Variants in TRIM55 observed in about 807,000 individuals in gnomAD.
TRIM55 encodes the protein tripartite motif containing 55, also known as tripartite motif-containing protein 55.
TRIM55 carries 50 observed loss-of-function variants against 60.9 expected under a neutral mutation model. That is an observed-to-expected ratio of 0.82 (90% confidence interval 0.65 to 1.04). The LOEUF is 1.04. Among genes scored for constraint, TRIM55 ranks in the 50% least tolerant of loss-of-function variants. The pLI is 0.00. For synonymous variants in TRIM55, 237 were observed against 238.1 expected (o/e 1.00, Z 0.04); for missense variants, 681 against 666.9 (o/e 1.02, Z -0.23).
At chr8:66,113,731 G>A in the TRIM55 span, 3 of 364,112 alleles carry the variant, frequency 8.2e-6, no homozygotes, top group Non-Finnish European at 1.1e-5. Flanking sequence ...GGCATTGCCC[G>A]GGCCCCGAGT....
chr8:66,150,809 G>A (rs1202009281), intron 7 of TRIM55, among the ~76,000 whole-genome samples: 1 of 152,140 alleles, frequency 6.6e-6, no homozygotes, highest in Non-Finnish European at 1.5e-5. Context: ...TGGGATTACA[G>A]GCACCTGCCA....
intron 4 of TRIM55, among the ~76,000 whole-genome samples, chr8:66,145,083 A>G (rs1219658521): frequency 6.6e-6 from 1 of 152,126 alleles, no homozygotes; most frequent in Non-Finnish European, 1.5e-5. Flanking sequence ...GGGCAAATTG[A>G]TAACCTGAGG....
intron 9 of TRIM55, chr8:66,155,665 C>G: frequency 1.2e-6 from 2 of 1,613,286 alleles, no homozygotes; most frequent in Non-Finnish European, 1.7e-6. Context: ...TCTTATTCTT[C>G]ACTACATCTG....
chr8:66,174,556 T>A lies in TRIM55; in HGVS notation c.1610T>A (p.Ile537Asn). Residue 537 changes from isoleucine to asparagine, a missense_variant, in exon 10 of 10, where the codon ATC becomes AAC. Physicochemically the swap from Ile to Asn is moderately radical, Grantham distance 149. Transcript: ENST00000315962. ...GCTGATTCTGAGCCAGCTCGCCATA[T>A]CTTCTCCTTTTCCTGGTTGAACTCC... ...SGADSEPARH[I>N]FSFSWLNSLN... 7 of 1,608,052 alleles carry A rather than the reference T, an allele frequency of 4.4e-6. No homozygotes were observed. Among genetic ancestry groups the A allele is most frequent in the Non-Finnish European group, 5.9e-6 (7 of 1,178,130 alleles).
chr8:66,118,168 CAAAAAAAA>C, the TRIM55 span, among the ~76,000 whole-genome samples: 2,305 of 39,882 alleles, frequency 0.058, 63 homozygotes, highest in African/African-American at 0.13. Flanking sequence ...GACTCCGTCT[CAAAAAAAA>C]AAAAAAAAAA....
rs1810349895 is a variant in TRIM55, at chr8:66,150,428, G to A, written c.947G>A (p.Arg316Lys). The A allele has an allele frequency of 1.2e-6, 2 of 1,614,138 alleles. No individual in the cohort carries two copies. Among genetic ancestry groups the A allele is most frequent in the South Asian group, 1.1e-5 (1 of 91,078 alleles). ...NMNHFTVNLN[R>K]EEKIIREIDF... ...AACCACTTCACAGTCAACCTCAATA[G>A]AGAAGAAAAGATAATACGTGAAATT... Residue 316 changes from arginine (R) to lysine (K), a missense_variant, in exon 7 of 10, where the codon AGA (arginine) becomes AAA (lysine). Arg to Lys is a conservative substitution (Grantham distance 26). Coordinates refer to ENST00000315962, the MANE Select transcript of TRIM55 (RefSeq NM_184085.2).
chr8:66,114,671 A>G, the TRIM55 span: 1 of 456,080 alleles, frequency 2.2e-6, no homozygotes, highest in African/African-American at 2.0e-5. Flanking sequence ...CGTTTGCTCA[A>G]CCGAGGAAGC....
intron 4 of TRIM55, among the ~76,000 whole-genome samples, chr8:66,143,359 G>T (rs948908146): frequency 3.3e-5 from 5 of 152,164 alleles, no homozygotes; most frequent in Non-Finnish European, 7.4e-5. Context: ...CACAAGACTT[G>T]CCAGGAACAG....
the TRIM55 span, among the ~76,000 whole-genome samples, chr8:66,118,139 A>T: frequency 7.8e-6 from 1 of 128,626 alleles, no homozygotes; most frequent in East Asian, 2.7e-4. Flanking sequence ...ACTGCACTCC[A>T]GCCTGGGGGA....
intron 2 of TRIM55, among the ~76,000 whole-genome samples, chr8:66,128,822 C>T (rs1808978582): frequency 6.6e-6 from 1 of 151,744 alleles, no homozygotes; most frequent in South Asian, 2.1e-4. Flanking sequence ...CACTTTGTAG[C>T]TCCAGATCCC....
chr8:66,140,869 G>A (rs575008643), intron 4 of TRIM55, among the ~76,000 whole-genome samples: 5 of 152,326 alleles, frequency 3.3e-5, no homozygotes, highest in South Asian at 2.1e-4. Flanking sequence ...TGGCCAGGGG[G>A]TGGAGAGCTG....
At chr8:66,147,794 C>CAAAAA (rs1180935272) in intron 4 of TRIM55, among the ~76,000 whole-genome samples, 3 of 44,168 alleles carry the variant, frequency 6.8e-5, no homozygotes, top group East Asian at 1.3e-3. Flanking sequence ...GACTCCATCT[C>CAAAAA]AAAAAAAAAA....
intron 2 of TRIM55, among the ~76,000 whole-genome samples, chr8:66,129,054 C>T (rs1387476585): frequency 6.6e-6 from 1 of 151,880 alleles, no homozygotes; most frequent in Non-Finnish European, 1.5e-5. Flanking sequence ...AACTTCAGAG[C>T]CATGAGGAAA....
At chr8:66,113,416 C>G in the TRIM55 span, 2 of 433,550 alleles carry the variant, frequency 4.6e-6, no homozygotes, top group South Asian at 3.3e-5. Flanking sequence ...ACTTCCTCAG[C>G]AGGAGACATC....
intron 2 of TRIM55, 121 bp downstream of exon 2, chr8:66,128,597 TG>T (rs1808965187): frequency 8.7e-7 from 1 of 1,149,252 alleles, no homozygotes; most frequent in Non-Finnish European, 1.2e-6. Context: ...TATGGAAAAA[TG>T]GTTTTCCAAG....
At position 66,150,352 on chromosome 8, in the gene TRIM55, G is replaced by A. The variant is rs761674737; in HGVS notation, c.871G>A (p.Ala291Thr). The A allele has an allele frequency of 6.2e-7, 1 of 1,614,194 alleles. No individual in the cohort carries two copies. Among genetic ancestry groups the A allele is most frequent in the South Asian group, 1.1e-5 (1 of 91,088 alleles). Residue 291 changes from alanine (A) to threonine (T), a missense_variant, in exon 7 of 10, where the codon GCA becomes ACA. Ala to Thr is a moderately conservative substitution (Grantham distance 58). Coordinates refer to ENST00000315962, the MANE Select transcript of TRIM55 (RefSeq NM_184085.2). Reference protein sequence around the residue: ...AKTLLKKISEASKAFQMEKIE... With the variant: ...AKTLLKKISETSKAFQMEKIE... ...TTGTCTTTGTTGCAGAATCTCGGAA[G>A]CATCAAAGGCATTTCAGATGGAGAA...
chr8:66,128,312 C>T lies in TRIM55; in HGVS notation c.177C>T (p.Asn59=). The T allele has an allele frequency of 1.2e-6, 2 of 1,604,136 alleles. No individual in the cohort carries two copies. The highest frequency in any genetic ancestry group is 1.7e-6 in the Non-Finnish European group (2 of 1,175,630). Residue 59 remains asparagine, a synonymous_variant, in exon 2 of 10, where the codon AAC becomes AAT. Coordinates refer to ENST00000315962, the MANE Select transcript of TRIM55 (RefSeq NM_184085.2). ...KCASDIFQAS[N]PYLPTRGGTT... ...TTACTTGGCAAGAACAGGCCTCTAA[C>T]CCGTATTTGCCCACAAGAGGAGGTA...
At chr8:66,121,846 TTTTTC>T in the TRIM55 span, among the ~76,000 whole-genome samples, 1 of 152,218 alleles carries the variant, frequency 6.6e-6, no homozygotes, top group Non-Finnish European at 1.5e-5. Flanking sequence ...TTGTCTAAAT[TTTTTC>T]TTTTATCAGC....
intron 4 of TRIM55, among the ~76,000 whole-genome samples, chr8:66,145,212 G>A (rs780043960): frequency 6.6e-6 from 1 of 152,142 alleles, no homozygotes; most frequent in African/African-American, 2.4e-5. Context: ...GAAAAAATAG[G>A]AGACTTCATT....
Sources: gnomAD v4.1 joint callset for allele counts (sites outside exome capture counted in the v4.1 genomes callset) on GRCh38, gnomAD v4.1.1 for gene constraint, MANE v1.5 for transcripts, NCBI Gene and HGNC (gene_info 2026-07-23, HGNC 2026-07-21) for gene names.